ADCY2: variants seen among roughly 807,000 people sequenced by gnomAD.
The protein encoded by ADCY2 is adenylate cyclase type 2.
ADCY2 carries 31 observed loss-of-function variants against 125.2 expected under a neutral mutation model. The observed-to-expected ratio is 0.25, with a 90% CI of 0.19 to 0.33. The LOEUF (loss-of-function observed/expected upper bound fraction) is 0.33. Among genes scored for constraint, ADCY2 ranks in the 10% least tolerant of loss-of-function variants. ADCY2 has a pLI of 1.00. For missense variants in ADCY2, 904 were observed against 1,418.2 expected, an observed-to-expected ratio of 0.64 and a Z score of 5.82; for synonymous variants, 512 against 548.4, an observed-to-expected ratio of 0.93 and a Z score of 0.93.
At chr5:7,536,813 G>A (rs1178190771) in intron 3 of ADCY2, among the ~76,000 whole-genome samples, 1 of 151,862 alleles carries the variant, frequency 6.6e-6, no homozygotes, top group African/African-American at 2.4e-5. Flanking sequence ...ATCACACACC[G>A]GGGCTTGTCA....
At chr5:7,678,696 C>T (rs905281266) in intron 4 of ADCY2, among the ~76,000 whole-genome samples, 3 of 152,182 alleles carry the variant, frequency 2.0e-5, no homozygotes, top group Non-Finnish European at 2.9e-5. Context: ...TTCCTCCTGA[C>T]ACCTTGTTGA....
intron 3 of ADCY2, among the ~76,000 whole-genome samples, chr5:7,532,062 AT>A (rs573165340): frequency 1.1e-3 from 173 of 152,342 alleles, no homozygotes; most frequent in African/African-American, 4.1e-3. Flanking sequence ...CTTGGTAAGT[AT>A]TTATGGTAAC....
At chr5:7,813,878 T>A (rs1745018195) in intron 22 of ADCY2, among the ~76,000 whole-genome samples, 1 of 152,224 alleles carries the variant, frequency 6.6e-6, no homozygotes, top group South Asian at 2.1e-4. Flanking sequence ...GGCAAATATG[T>A]CCTCCTTACT....
chr5:7,748,965 C>A (rs1413908502), intron 15 of ADCY2, among the ~76,000 whole-genome samples: 1 of 152,072 alleles, frequency 6.6e-6, no homozygotes, highest in Non-Finnish European at 1.5e-5. Flanking sequence ...AGCCTTGGAA[C>A]CTTATAGTAG....
In ADCY2 at chr5:7,827,144, T is replaced by A; in HGVS notation, c.*273T>A. On this transcript the variant is annotated 3_prime_UTR_variant, in exon 25 of 25. Coordinates refer to ENST00000338316, the MANE Select transcript of ADCY2 (RefSeq NM_020546.3). The stretch of plus-strand genomic sequence containing the variant: ...TGGGAGAACTAACAGAGGAGAAAGG[T>A]GAAACACACACACATTCTTAAGGCA... The A allele has an allele frequency of 2.6e-6, 1 of 380,672 alleles. No homozygotes were observed. Among genetic ancestry groups the A allele is most frequent in the Non-Finnish European group, 4.7e-6 (1 of 212,144 alleles). The allele number at this position is 380,672 out of a possible 1,614,324, so 23.6% of individuals were successfully genotyped here. A position where few individuals can be genotyped will look rare whatever the true frequency, so the allele number is the denominator to read the frequency against.
intron 2 of ADCY2, among the ~76,000 whole-genome samples, chr5:7,511,183 G>T (rs1262118316): frequency 6.6e-6 from 1 of 152,030 alleles, no homozygotes; most frequent in Non-Finnish European, 1.5e-5. Context: ...TCCCCATAGA[G>T]CCTGCATATA....
intron 6 of ADCY2, 78 bp downstream of exon 6, chr5:7,695,941 G>T: frequency 5.5e-6 from 5 of 910,238 alleles, no homozygotes; most frequent in African/African-American, 3.5e-5. Flanking sequence ...CCTATCAATA[G>T]TTTACTTTTT....
At chr5:7,611,360 T>G (rs1409063563) in intron 3 of ADCY2, among the ~76,000 whole-genome samples, 4 of 152,194 alleles carry the variant, frequency 2.6e-5, no homozygotes, top group Non-Finnish European at 4.4e-5. Context: ...AAAAACTTCA[T>G]TAGTTTTTAC....
intron 23 of ADCY2, 113 bp from the exon 24 acceptor site, chr5:7,820,452 C>CCA: frequency 1.5e-6 from 2 of 1,355,962 alleles, no homozygotes; most frequent in African/African-American, 1.5e-5. Context: ...CAAGATTGCG[C>CCA]CACTGCACTC....
At chr5:7,644,499 G>A (rs1017844396) in intron 4 of ADCY2, among the ~76,000 whole-genome samples, 1 of 152,062 alleles carries the variant, frequency 6.6e-6, no homozygotes, top group Non-Finnish European at 1.5e-5. Context: ...CCAGCTTTTA[G>A]CCCATCATAC....
At chr5:7,761,398 C>T (rs191351040) in intron 16 of ADCY2, among the ~76,000 whole-genome samples, 12 of 152,222 alleles carry the variant, frequency 7.9e-5, no homozygotes, top group Admixed American at 3.3e-4. Flanking sequence ...TCCACTGCCT[C>T]GGCCTCCCAA....
chr5:7,528,531 G>T (rs562487111), intron 3 of ADCY2, among the ~76,000 whole-genome samples: 1 of 152,122 alleles, frequency 6.6e-6, no homozygotes, highest in Non-Finnish European at 1.5e-5. Context: ...TTCTCTTGGA[G>T]ATTTGATCAA....
chr5:7,477,076 C>G (rs1292587393), intron 2 of ADCY2, among the ~76,000 whole-genome samples: 1 of 152,094 alleles, frequency 6.6e-6, no homozygotes, highest in Non-Finnish European at 1.5e-5. Context: ...AAAGCTTGTT[C>G]CACACGTAAC....
At position 7,709,475 on chromosome 5, in the gene ADCY2, C is replaced by T. The variant is rs938483050; in HGVS notation, c.1578+88C>T. Reference sequence around the variant, plus strand: ...GGCTGGGCATCTCCTGCCAAAATAACTCCTTTCTGTAAGAAACAAACTTAT... The same window carrying T: ...GGCTGGGCATCTCCTGCCAAAATAATTCCTTTCTGTAAGAAACAAACTTAT... On this transcript the variant is annotated intron_variant, in intron 10 of 24. Coordinates refer to ENST00000338316, the MANE Select transcript of ADCY2 (RefSeq NM_020546.3). This position sits in a 1 kb window ranked among gnomAD's most constrained non-coding sequence, Gnocchi z 4.4. The T allele has an allele frequency of 1.1e-4, 150 of 1,401,270 alleles. No individual in the cohort carries two copies. Among genetic ancestry groups the T allele is most frequent in the Non-Finnish European group, 1.3e-4 (137 of 1,059,240 alleles). 86.8% of individuals were successfully genotyped at this position (1,401,270 alleles called of 1,614,324 possible).
At chr5:7,625,799 T>C (rs1395559618) in intron 3 of ADCY2, among the ~76,000 whole-genome samples, 1 of 152,182 alleles carries the variant, frequency 6.6e-6, no homozygotes, top group Non-Finnish European at 1.5e-5. Context: ...AGTGTTCTTT[T>C]CCTAATGAGG....
intron 4 of ADCY2, among the ~76,000 whole-genome samples, chr5:7,673,253 A>T: frequency 5.6e-5 from 1 of 17,944 alleles, no homozygotes; most frequent in African/African-American, 1.8e-4. Flanking sequence ...AAAAAAAAAA[A>T]AAAAAAAAAA....
chr5:7,804,830 A>C, intron 22 of ADCY2, 138 bp downstream of exon 22: 3 of 640,214 alleles, frequency 4.7e-6, no homozygotes, highest in East Asian at 5.5e-5. Flanking sequence ...AGGTCCTATG[A>C]GAGAAGATGA....
intron 14 of ADCY2, among the ~76,000 whole-genome samples, chr5:7,737,341 C>A (rs1243386344): frequency 6.6e-6 from 1 of 152,186 alleles, no homozygotes; most frequent in Admixed American, 6.5e-5. Context: ...GAAACCCAGG[C>A]TCCTGGGCTT....
intron 11 of ADCY2, among the ~76,000 whole-genome samples, chr5:7,715,748 C>A (rs968340876): frequency 1.3e-5 from 2 of 152,104 alleles, no homozygotes. Flanking sequence ...CACAAATCCA[C>A]AAACAGGATG....
Sources: allele counts gnomAD v4.1 joint callset (sites outside exome capture counted in the v4.1 genomes callset), GRCh38; gene constraint gnomAD v4.1.1; non-coding constraint Gnocchi (gnomAD v3.1); transcripts MANE v1.5; gene names NCBI Gene and HGNC (gene_info 2026-07-23, HGNC 2026-07-21).